RRM1: variants seen among roughly 807,000 people sequenced by gnomAD.
RRM1 encodes the protein ribonucleotide reductase catalytic subunit M1, also known as ribonucleoside-diphosphate reductase large subunit.
RRM1 carries 19 observed loss-of-function variants against 101.5 expected under a neutral mutation model. The ratio of observed to expected loss-of-function variants is 0.19; its 90% CI spans 0.13 to 0.27. The LOEUF is 0.27. Among genes scored for constraint, RRM1 ranks in the 10% least tolerant of loss-of-function variants. The pLI is 1.00. For missense variants in RRM1, 500 were observed against 962.9 expected, an observed-to-expected ratio of 0.52 and a Z score of 6.36; for synonymous variants, 298 against 323.4, an observed-to-expected ratio of 0.92 and a Z score of 0.84.
chr11:4,107,284 T>C (rs1266979133), intron 3 of RRM1, 151 bp from the exon 4 acceptor site: 1 of 591,558 alleles, frequency 1.7e-6, no homozygotes, highest in Non-Finnish European at 3.0e-6. Context: ...CTTCAACATA[T>C]ATGTGTTTAT....
chr11:4,136,335 T>G (rs536658880), intron 18 of RRM1, among the ~76,000 whole-genome samples: 25 of 151,856 alleles, frequency 1.6e-4, no homozygotes, highest in African/African-American at 5.6e-4. Context: ...TTCTCATGTC[T>G]TAGCCTCCTG....
intron 9 of RRM1, among the ~76,000 whole-genome samples, chr11:4,120,155 A>C (rs1197668636): frequency 1.3e-5 from 2 of 152,192 alleles, no homozygotes; most frequent in Non-Finnish European, 2.9e-5. Context: ...AAAGAGGTAG[A>C]ACATTTCCAT....
intron 7 of RRM1, chr11:4,116,452 C>G (rs977585958): frequency 6.6e-6 from 1 of 152,168 alleles, no homozygotes; most frequent in Non-Finnish European, 1.5e-5. Context: ...ATTAGCCAGG[C>G]GTGGTGGCGT....
At chr11:4,131,596 G>A (rs1330859102) in intron 15 of RRM1, among the ~76,000 whole-genome samples, 1 of 152,212 alleles carries the variant, frequency 6.6e-6, no homozygotes, top group Non-Finnish European at 1.5e-5. Flanking sequence ...TGCCTGATGA[G>A]GAAAGATGTT....
At position 4,100,080 on chromosome 11, in the gene RRM1, A is replaced by G. The variant is rs574376417; in HGVS notation, c.20-1913A>G. Among the ~76,000 whole-genome samples the G allele has an allele frequency of 2.6e-5, 4 of 152,362 alleles. No individual in the cohort carries two copies. In the South Asian group the frequency reaches 8.3e-4, roughly 32 times the overall value. ...TTAATTTACCCCATTTCAGAGTTAAATGCTGCAGATGTGAGCCTGATGAGA... is the reference window on the plus strand; with the variant it reads ...TTAATTTACCCCATTTCAGAGTTAAGTGCTGCAGATGTGAGCCTGATGAGA... On this transcript the variant is annotated intron_variant, in intron 1 of 18. Transcript: ENST00000300738.
chr11:4,098,930 A>G (rs1030700910), intron 1 of RRM1, among the ~76,000 whole-genome samples: 1 of 152,108 alleles, frequency 6.6e-6, no homozygotes, highest in Non-Finnish European at 1.5e-5. Flanking sequence ...AGAAGCCAAC[A>G]TTTGAGCTGA....
At chr11:4,131,882 A>G (rs1431613551) in intron 15 of RRM1, among the ~76,000 whole-genome samples, 1 of 152,210 alleles carries the variant, frequency 6.6e-6, no homozygotes, top group Admixed American at 6.5e-5. Context: ...CTTGGAAAAG[A>G]GTGAGGGTTG....
In RRM1 at chr11:4,132,883, C is replaced by G. The variant is rs2094602753; in HGVS notation, c.1905+462C>G. On this transcript the variant is annotated intron_variant, in intron 16 of 18. Coordinates refer to ENST00000300738, the MANE Select transcript of RRM1 (RefSeq NM_001033.5). The surrounding 1 kb of genome is among the most constrained non-coding windows in gnomAD (Gnocchi z 4.1). ...TCTTATGTGTAGCTAGGGTTGAGAA[C>G]CTCAATTTAAAAGACTATTTGTGAA... 6.6e-6 allele frequency among the ~76,000 whole-genome samples: 1 copy of G among 151,960 alleles called. No homozygotes were observed. Among genetic ancestry groups the G allele is most frequent in the African/African-American group, 2.4e-5 (1 of 41,356 alleles).
At chr11:4,110,742 C>T (rs2094564240) in intron 5 of RRM1, among the ~76,000 whole-genome samples, 1 of 145,220 alleles carries the variant, frequency 6.9e-6, no homozygotes, top group Non-Finnish European at 1.5e-5. Flanking sequence ...GCACTCCAGC[C>T]TGGGTGACAG....
In RRM1 at chr11:4,101,564, C is replaced by CGA. The variant is rs111257898; in HGVS notation, c.20-429_20-428insGA. ...CCTGACCTCCAGTGATCCACACCCCCCCCCGCTCCCTTGGCCTCCCAAAGT... is the reference window on the plus strand; with the variant it reads ...CCTGACCTCCAGTGATCCACACCCCCGACCCCGCTCCCTTGGCCTCCCAAAGT... On this transcript the variant is annotated intron_variant, in intron 1 of 18. Coordinates refer to ENST00000300738, the MANE Select transcript of RRM1 (RefSeq NM_001033.5). Among the ~76,000 whole-genome samples, 8 of 114,778 alleles carry CGA rather than the reference C, an allele frequency of 7.0e-5. 2 individuals carry two copies. Among genetic ancestry groups the CGA allele is most frequent in the East Asian group, 2.9e-4 (1 of 3,508 alleles). 75.3% of individuals were successfully genotyped at this position (114,778 alleles called of 152,430 possible).
At chr11:4,128,944 A>G (rs2094594321) in intron 14 of RRM1, 130 bp from the exon 15 acceptor site, 2 of 531,110 alleles carry the variant, frequency 3.8e-6, no homozygotes, top group Non-Finnish European at 6.7e-6. Flanking sequence ...TGTATTCCTC[A>G]TAGAGGTTGA....
chr11:4,097,860 A>AG (rs1157882393), intron 1 of RRM1, among the ~76,000 whole-genome samples: 5 of 152,260 alleles, frequency 3.3e-5, no homozygotes, highest in Non-Finnish European at 7.3e-5. Context: ...GTAATGGAGA[A>AG]GGCAGCTCTA....
chr11:4,111,700 T>C, intron 6 of RRM1, 60 bp downstream of exon 6: 7 of 1,395,668 alleles, frequency 5.0e-6, no homozygotes, highest in South Asian at 1.3e-5. Flanking sequence ...ATGTATAGCT[T>C]TGAGCTATAA....
chr11:4,098,437 C>T (rs571840055), intron 1 of RRM1, among the ~76,000 whole-genome samples: 205 of 59,408 alleles, frequency 3.5e-3, no homozygotes, highest in Non-Finnish European at 7.6e-3. Flanking sequence ...TTCCTTCCTT[C>T]CTATTCCATT....
Position 4,123,345 on chromosome 11 carries a change from C to T in RRM1, c.1281C>T (p.Asn427=). 6.2e-7 allele frequency: 1 copy of T among 1,614,036 alleles called. No individual in the cohort carries two copies. Among genetic ancestry groups the T allele is most frequent in the South Asian group, 1.1e-5 (1 of 91,078 alleles). The stretch of plus-strand genomic sequence containing the variant: ...ACCTGGGAACCATCAAATGCAGCAA[C>T]CTGTGCACAGAAATAGTGGAGTACA... ...QQNLGTIKCS[N]LCTEIVEYTS... Residue 427 remains asparagine (N), a synonymous_variant, in exon 12 of 19, where the codon AAC becomes AAT. Transcript: ENST00000300738.
At chr11:4,101,179 G>A (rs1429886996) in intron 1 of RRM1, among the ~76,000 whole-genome samples, 1 of 152,158 alleles carries the variant, frequency 6.6e-6, no homozygotes, top group South Asian at 2.1e-4. Context: ...AGAAGGTGAT[G>A]ACATTGAGCA....
At chr11:4,099,768 A>G (rs547386423) in intron 1 of RRM1, among the ~76,000 whole-genome samples, 3 of 152,176 alleles carry the variant, frequency 2.0e-5, no homozygotes, top group Admixed American at 6.5e-5. Flanking sequence ...AAACTAACCA[A>G]GTGGAATGAC....
chr11:4,096,004 T>C (rs892925033), intron 1 of RRM1, among the ~76,000 whole-genome samples: 1 of 152,220 alleles, frequency 6.6e-6, no homozygotes, highest in Non-Finnish European at 1.5e-5. Context: ...TTCTATTTTG[T>C]CCTCTAGGCT....
At chr11:4,105,690 A>G (rs1193912127) in intron 2 of RRM1, 4 of 405,068 alleles carry the variant, frequency 9.9e-6, no homozygotes, top group African/African-American at 2.2e-5. Flanking sequence ...CTGGGATCAC[A>G]GGTGTGTACC....
Sources: gnomAD v4.1 joint callset for allele counts (sites outside exome capture counted in the v4.1 genomes callset) on GRCh38, gnomAD v4.1.1 for gene constraint, Gnocchi (gnomAD v3.1) non-coding constraint, MANE v1.5 for transcripts, NCBI Gene and HGNC (gene_info 2026-07-23, HGNC 2026-07-21) for gene names.